Variants in ATF2 observed in about 807,000 individuals in gnomAD.
ATF2 encodes the protein cyclic AMP-dependent transcription factor ATF-2.
ATF2 carries 24 observed loss-of-function variants against 60.6 expected under a neutral mutation model. The ratio of observed to expected loss-of-function variants is 0.40; its 90% CI spans 0.29 to 0.56. The LOEUF is 0.56. Among genes scored for constraint, ATF2 ranks in the 20% least tolerant of loss-of-function variants. The pLI, the probability that ATF2 is intolerant of heterozygous loss-of-function variation, is 0.54. For synonymous variants in ATF2, 206 were observed against 215.4 expected, an observed-to-expected ratio of 0.96 and a Z score of 0.38; for missense variants, 433 against 607.7, an observed-to-expected ratio of 0.71 and a Z score of 3.02.
In ATF2 at chr2:175,128,859, T is replaced by G. The variant is rs574084623; in HGVS notation, c.102+1279A>C. ...AAAAAGACAACCCAATTTTTTAAAA[T>G]GAGCAAAAGATTTAAAAAGATACTT... On this transcript the variant is annotated intron_variant, in intron 4 of 13. Transcript: ENST00000264110. 8.4e-4 allele frequency among the ~76,000 whole-genome samples: 128 copies of G among 152,074 alleles called. 3 individuals are homozygous for G. The South Asian group carries it at 0.025, about 30-fold the overall frequency.
chr2:175,119,050 T>C (rs1319906671), intron 5 of ATF2, among the ~76,000 whole-genome samples: 1 of 151,644 alleles, frequency 6.6e-6, no homozygotes, highest in African/African-American at 2.4e-5. Context: ...CTACTCTATT[T>C]TCTTACAACA....
At chr2:175,155,286 A>G (rs868026695) in intron 1 of ATF2, among the ~76,000 whole-genome samples, 9 of 152,194 alleles carry the variant, frequency 5.9e-5, no homozygotes, top group South Asian at 2.1e-4. Context: ...AGGTTGTAGA[A>G]GCTTCCATGG....
intron 11 of ATF2, among the ~76,000 whole-genome samples, chr2:175,095,915 T>C (rs943238542): frequency 6.6e-5 from 10 of 152,224 alleles, no homozygotes; most frequent in Admixed American, 6.5e-4. Context: ...CTGTGAATCA[T>C]TGTTAAACCC....
chr2:175,135,006 TAAAAAAAAAAA>T (rs60122560), intron 3 of ATF2, among the ~76,000 whole-genome samples: 4 of 85,786 alleles, frequency 4.7e-5, no homozygotes, highest in South Asian at 3.7e-4. Context: ...CCCATCTCTT[TAAAAAAAAAAA>T]AAAAAAAAAA....
chr2:175,106,495 C>T (rs1387973521), intron 10 of ATF2, among the ~76,000 whole-genome samples: 2 of 151,458 alleles, frequency 1.3e-5, no homozygotes, highest in East Asian at 3.9e-4. Flanking sequence ...CACTGCACTC[C>T]AGCCTGAGTG....
Position 175,093,229 on chromosome 2 carries a change from T to G in ATF2, c.1017A>C (p.Thr339=), listed in dbSNP as rs1160240497. 6.2e-7 allele frequency: 1 copy of G among 1,614,100 alleles called. No homozygotes were observed. Among genetic ancestry groups the G allele is most frequent in the Admixed American group, 1.7e-5 (1 of 60,010 alleles). Residue 339 remains threonine, a synonymous_variant, in exon 12 of 14, where the codon ACA becomes ACC. Coordinates refer to ENST00000264110, the MANE Select transcript of ATF2 (RefSeq NM_001880.4). ...TAGCTGCTCTTCTCCGACGACCACTTGTACTTTGGGTCTGTGGAGTTGTGT... is the reference window on the plus strand; with the variant it reads ...TAGCTGCTCTTCTCCGACGACCACTGGTACTTTGGGTCTGTGGAGTTGTGT... ...PAHTTPQTQS[T]SGRRRRAANE...
intron 1 of ATF2, among the ~76,000 whole-genome samples, chr2:175,162,261 G>C (rs1159365371): frequency 2.6e-5 from 4 of 152,174 alleles, no homozygotes; most frequent in Non-Finnish European, 5.9e-5. Flanking sequence ...AATAACTATA[G>C]TATGATATGG....
chr2:175,105,634 C>T (rs1695602772), intron 10 of ATF2, among the ~76,000 whole-genome samples: 1 of 151,976 alleles, frequency 6.6e-6, no homozygotes, highest in Admixed American at 6.6e-5. Flanking sequence ...TTCAAGTAAC[C>T]AGAATTCCCT....
In ATF2 at chr2:175,114,779, A is replaced by C; in HGVS notation, c.537T>G (p.Ser179=). 2 of 1,614,068 alleles carry C rather than the reference A, an allele frequency of 1.2e-6. No homozygotes were observed. The highest frequency in any genetic ancestry group is 1.7e-6 in the Non-Finnish European group (2 of 1,179,930). The change falls in exon 8 of 14, where the codon TCT becomes TCG. Residue 179 remains serine, a synonymous_variant. Transcript: ENST00000264110. ...CCTGCTGAATAATTACACTTGAGTC[A>C]GAACTTGTAAGCAGCACATTGGGAA... ...LQVPNVLLTS[S]DSSVIIQQAV...
At chr2:175,101,311 A>G (rs1695295730) in intron 10 of ATF2, among the ~76,000 whole-genome samples, 1 of 152,172 alleles carries the variant, frequency 6.6e-6, no homozygotes, top group Non-Finnish European at 1.5e-5. Context: ...GAGTTGGAAA[A>G]GTGTGGGTCA....
chr2:175,130,894 A>G (rs1415399937), intron 3 of ATF2, among the ~76,000 whole-genome samples: 3 of 152,166 alleles, frequency 2.0e-5, no homozygotes, highest in Non-Finnish European at 4.4e-5. Context: ...TTAGTGGTAT[A>G]CTGAGGATCA....
chr2:175,117,242 A>C (rs989571301), intron 7 of ATF2, among the ~76,000 whole-genome samples: 16 of 151,884 alleles, frequency 1.1e-4, no homozygotes, highest in African/African-American at 7.3e-5. Context: ...AGAAAAAAAA[A>C]CAGAAAACAA....
At chr2:175,127,111 C>G (rs1454079330) in intron 4 of ATF2, 1 of 151,784 alleles carries the variant, frequency 6.6e-6, no homozygotes, top group Non-Finnish European at 1.5e-5. Context: ...TGGTGGTGAG[C>G]ACCTGTGGTC....
Position 175,078,290 on chromosome 2 carries a change from T to C in ATF2, c.1291+2370A>G, listed in dbSNP as rs1278091718. Among the ~76,000 whole-genome samples, 4 of 151,198 alleles carry C rather than the reference T, an allele frequency of 2.6e-5. No homozygotes were observed. The East Asian group carries it at 7.7e-4, about 29-fold the overall frequency. The stretch of plus-strand genomic sequence containing the variant: ...CCTGGCCTATACATATTTTCAGTAA[T>C]AAAAGTATTTGTGGTTGATTAGTCC... On this transcript the variant is annotated intron_variant, in intron 13 of 13. Coordinates refer to ENST00000264110, the MANE Select transcript of ATF2 (RefSeq NM_001880.4).
At chr2:175,135,141 C>T (rs563421649) in intron 3 of ATF2, among the ~76,000 whole-genome samples, 1 of 151,702 alleles carries the variant, frequency 6.6e-6, no homozygotes, top group South Asian at 2.1e-4. Flanking sequence ...GGAAGAATAC[C>T]ACCACTTTAA....
intron 2 of ATF2, among the ~76,000 whole-genome samples, chr2:175,139,540 T>C (rs1698362895): frequency 6.6e-6 from 1 of 151,656 alleles, no homozygotes; most frequent in African/African-American, 2.4e-5. Flanking sequence ...GGTGTGGTGG[T>C]TCATGCCTGT....
At chr2:175,125,687 A>G (rs906571074) in intron 4 of ATF2, among the ~76,000 whole-genome samples, 11 of 152,162 alleles carry the variant, frequency 7.2e-5, no homozygotes, top group Non-Finnish European at 1.3e-4. Flanking sequence ...TTAAAAGTTT[A>G]TAATAGTGGA....
At chr2:175,116,549 T>C (rs916588127) in intron 7 of ATF2, among the ~76,000 whole-genome samples, 2 of 151,956 alleles carry the variant, frequency 1.3e-5, no homozygotes, top group Non-Finnish European at 2.9e-5. Context: ...CCTATGCCCA[T>C]AGAAATTTGG....
intron 12 of ATF2, among the ~76,000 whole-genome samples, chr2:175,089,527 CATA>C (rs1574334773): frequency 1.3e-5 from 2 of 152,124 alleles, no homozygotes; most frequent in East Asian, 3.9e-4. Flanking sequence ...AATGTTTTCA[CATA>C]AAGTAGGGTT....
Sources: allele counts gnomAD v4.1 joint callset (sites outside exome capture counted in the v4.1 genomes callset), GRCh38; gene constraint gnomAD v4.1.1; transcripts MANE v1.5; gene names NCBI Gene and HGNC (gene_info 2026-07-23, HGNC 2026-07-21).